Variants in CSMD1 observed in about 807,000 individuals in gnomAD.
CSMD1 encodes the protein CUB and sushi domain-containing protein 1.
In CSMD1, 213 loss-of-function variants were observed where a neutral mutation model predicts 417.5. The observed-to-expected ratio is 0.51, with a 90% CI of 0.46 to 0.57. The LOEUF is 0.57. Among genes scored for constraint, CSMD1 ranks in the 20% least tolerant of loss-of-function variants. CSMD1 has a pLI of 0.00. For missense variants in CSMD1, 6,923 were observed against 4,529.7 expected, an observed-to-expected ratio of 1.53 and a Z score of -15.17; for synonymous variants, 2,862 against 1,736.8, an observed-to-expected ratio of 1.65 and a Z score of -16.11.
At chr8:3,133,873 T>A (rs935129601) in intron 41 of CSMD1, among the ~76,000 whole-genome samples, 7 of 152,168 alleles carry the variant, frequency 4.6e-5, no homozygotes, top group Non-Finnish European at 8.8e-5. Context: ...TCTTGCAAAG[T>A]CCTAGAAAGT....
chr8:3,628,702 T>C (rs904036661), intron 7 of CSMD1, among the ~76,000 whole-genome samples: 6 of 151,508 alleles, frequency 4.0e-5, no homozygotes, highest in Non-Finnish European at 2.9e-5. Flanking sequence ...CAGAAAGAAG[T>C]GTAGGCACCC....
chr8:3,671,093 T>C (rs190143914), intron 7 of CSMD1, among the ~76,000 whole-genome samples: 4 of 145,826 alleles, frequency 2.7e-5, no homozygotes, highest in African/African-American at 9.9e-5. Flanking sequence ...ATAAGGGATA[T>C]ATATGTATGG....
At chr8:4,272,393 G>A (rs1804659623) in intron 3 of CSMD1, among the ~76,000 whole-genome samples, 1 of 152,024 alleles carries the variant, frequency 6.6e-6, no homozygotes, top group Admixed American at 6.6e-5. Context: ...CAGTTTCCAA[G>A]ACCTATAGAC....
chr8:4,163,807 A>C (rs904150003), intron 3 of CSMD1, among the ~76,000 whole-genome samples: 9 of 152,280 alleles, frequency 5.9e-5, no homozygotes, highest in Admixed American at 2.6e-4. Flanking sequence ...TTACATTTTA[A>C]TTTTCTACAC....
At chr8:3,239,282 G>T (rs1387026944) in intron 26 of CSMD1, among the ~76,000 whole-genome samples, 1 of 152,130 alleles carries the variant, frequency 6.6e-6, no homozygotes, top group Admixed American at 6.5e-5. Flanking sequence ...ACTAATAAAG[G>T]CCGGTCTGCT....
At chr8:4,078,092 G>C (rs554774581) in intron 3 of CSMD1, among the ~76,000 whole-genome samples, 9 of 152,180 alleles carry the variant, frequency 5.9e-5, no homozygotes, top group Admixed American at 4.6e-4. Context: ...ATGCCAAAGA[G>C]AGAAATCTTC....
At chr8:3,254,008 G>T (rs549028540) in intron 26 of CSMD1, among the ~76,000 whole-genome samples, 3 of 152,306 alleles carry the variant, frequency 2.0e-5, no homozygotes, top group South Asian at 4.1e-4. Context: ...TGCAGTGGCT[G>T]GTACTAGTTG....
intron 3 of CSMD1, among the ~76,000 whole-genome samples, chr8:4,114,600 C>A (rs1402137567): frequency 6.6e-6 from 1 of 152,004 alleles, no homozygotes; most frequent in Non-Finnish European, 1.5e-5. Context: ...AGGGATTCTT[C>A]GATGGACTTG....
intron 23 of CSMD1, among the ~76,000 whole-genome samples, chr8:3,331,237 C>CAAAAAAAA (rs112278319): frequency 4.7e-4 from 60 of 128,498 alleles, no homozygotes; most frequent in African/African-American, 1.7e-3. Flanking sequence ...GACTCCGTCT[C>CAAAAAAAA]AAAAAAAAAA....
chr8:4,132,875 T>G (rs1028254702), intron 3 of CSMD1, among the ~76,000 whole-genome samples: 13 of 152,218 alleles, frequency 8.5e-5, no homozygotes, highest in Non-Finnish European at 1.8e-4. Flanking sequence ...AAATTTATTC[T>G]ATTTCTAGAA....
chr8:4,942,507 T>C (rs1449846520), intron 1 of CSMD1, among the ~76,000 whole-genome samples: 9 of 152,228 alleles, frequency 5.9e-5, no homozygotes, highest in Non-Finnish European at 1.2e-4. Context: ...GTTAAATTCA[T>C]TTTTTCAAAA....
At chr8:4,183,521 T>G (rs1262168635) in intron 3 of CSMD1, among the ~76,000 whole-genome samples, 8 of 152,174 alleles carry the variant, frequency 5.3e-5, no homozygotes, top group African/African-American at 1.7e-4. Context: ...GCACAGACAT[T>G]ACTGGTTTAT....
At chr8:4,993,219 T>C (rs373389959) in intron 1 of CSMD1, among the ~76,000 whole-genome samples, 1 of 152,004 alleles carries the variant, frequency 6.6e-6, no homozygotes, top group Non-Finnish European at 1.5e-5. Context: ...AATCGTAAGA[T>C]TGGACTCCAA....
chr8:4,608,259 G>C lies in CSMD1; in HGVS notation c.302+29083C>G, dbSNP rs145843914. Among the ~76,000 whole-genome samples, 645 of 152,318 alleles carry C rather than the reference G, an allele frequency of 4.2e-3. 1 individual carries two copies. The highest frequency in any genetic ancestry group is 5.7e-3 in the Non-Finnish European group (389 of 68,028). On this transcript the variant is annotated intron_variant, in intron 2 of 69. Transcript: ENST00000635120. ...GCTGGAGATTTATGACTTGATTTCAGTGGTAAAAGTCTGCACCGTGGGCTA... is the reference window on the plus strand; with the variant it reads ...GCTGGAGATTTATGACTTGATTTCACTGGTAAAAGTCTGCACCGTGGGCTA...
At chr8:4,022,750 A>G (rs939025699) in intron 4 of CSMD1, among the ~76,000 whole-genome samples, 1 of 152,204 alleles carries the variant, frequency 6.6e-6, no homozygotes, top group Non-Finnish European at 1.5e-5. Flanking sequence ...AGACAACTAG[A>G]AACTTTGGGA....
chr8:4,672,549 A>G (rs754690643), intron 1 of CSMD1, among the ~76,000 whole-genome samples: 4 of 152,250 alleles, frequency 2.6e-5, no homozygotes, highest in Non-Finnish European at 4.4e-5. Context: ...AATGTAAACA[A>G]CCAATCACAG....
At chr8:4,424,615 T>C (rs1797439756) in intron 2 of CSMD1, among the ~76,000 whole-genome samples, 1 of 152,046 alleles carries the variant, frequency 6.6e-6, no homozygotes, top group Non-Finnish European at 1.5e-5. Context: ...TATAAAATGG[T>C]ACAGCCATTT....
At chr8:4,148,993 C>T (rs901600984) in intron 3 of CSMD1, among the ~76,000 whole-genome samples, 1 of 146,722 alleles carries the variant, frequency 6.8e-6, no homozygotes, top group Admixed American at 6.8e-5. Context: ...GATGGAGTTT[C>T]ACTCTTGTTG....
At chr8:3,423,875 G>A (rs547055554) in intron 12 of CSMD1, among the ~76,000 whole-genome samples, 2 of 152,212 alleles carry the variant, frequency 1.3e-5, no homozygotes, top group South Asian at 2.1e-4. Context: ...CCTACGGCAC[G>A]AGCTGCTTGT....
Sources: gnomAD v4.1 joint callset for allele counts (sites outside exome capture counted in the v4.1 genomes callset) on GRCh38, gnomAD v4.1.1 for gene constraint, MANE v1.5 for transcripts, NCBI Gene and HGNC (gene_info 2026-07-23, HGNC 2026-07-21) for gene names.